The following MBOAT2 variants were observed in gnomAD, a reference collection of about 807,000 sequenced individuals.
MBOAT2 encodes the protein membrane bound glycerophospholipid O-acyltransferase 2.
Under a neutral mutation model 63.4 loss-of-function variants are expected in MBOAT2, and 28 were observed. The observed-to-expected ratio is 0.44, with a 90% CI of 0.33 to 0.61. The LOEUF (loss-of-function observed/expected upper bound fraction) is 0.61, where lower values mean the gene tolerates loss of function less well. Ranked by LOEUF, MBOAT2 falls within the 20% of genes least tolerant of loss-of-function variation. The probability of loss-of-function intolerance (pLI) is 0.03; values close to 1 mark genes in which losing one functional copy is unlikely to be tolerated. For missense variants in MBOAT2, 470 were observed against 605.8 expected (o/e 0.78, Z 2.35); for synonymous variants, 211 against 215.6 (o/e 0.98, Z 0.19).
chr2:8,889,838 C>T (rs564050517), intron 4 of MBOAT2, among the ~76,000 whole-genome samples: 72 of 152,316 alleles, frequency 4.7e-4, no homozygotes, highest in Non-Finnish European at 9.1e-4. Flanking sequence ...CAAATAAGTG[C>T]TCTGAGTGTC....
chr2:8,986,088 T>C (rs1454272942), intron 1 of MBOAT2, among the ~76,000 whole-genome samples: 1 of 152,044 alleles, frequency 6.6e-6, no homozygotes, highest in African/African-American at 2.4e-5. Context: ...CACTTCATCT[T>C]TGTGGTCTTC....
intron 7 of MBOAT2, 91 bp from the exon 8 acceptor site, chr2:8,873,391 G>T: frequency 7.8e-7 from 1 of 1,287,840 alleles, no homozygotes. Flanking sequence ...TTCCTGAATG[G>T]ATCATCAGTC....
intron 7 of MBOAT2, among the ~76,000 whole-genome samples, chr2:8,874,454 T>C (rs1359533015): frequency 6.6e-6 from 1 of 152,192 alleles, no homozygotes; most frequent in Admixed American, 6.5e-5. Context: ...GTGAAATAAA[T>C]GGCCCCATAC....
intron 6 of MBOAT2, among the ~76,000 whole-genome samples, chr2:8,879,492 T>C (rs553695751): frequency 6.6e-6 from 1 of 152,330 alleles, no homozygotes; most frequent in East Asian, 1.9e-4. Context: ...TAATGTATAA[T>C]ATCAAACAAA....
chr2:8,888,643 TAACTTAG>T, intron 4 of MBOAT2, among the ~76,000 whole-genome samples: 1 of 152,266 alleles, frequency 6.6e-6, no homozygotes. Flanking sequence ...ATTGAATGAA[TAACTTAG>T]AAAGGAAAAA....
At position 8,943,971 on chromosome 2, in the gene MBOAT2, C is replaced by T. The variant is rs140777931; in HGVS notation, c.222-707G>A. 5.0e-3 allele frequency among the ~76,000 whole-genome samples: 754 copies of T among 152,228 alleles called. 9 individuals are homozygous for T. The highest frequency in any genetic ancestry group is 0.02 in the South Asian group (97 of 4,828). On this transcript the variant is annotated intron_variant, in intron 2 of 12. Transcript: ENST00000305997. Reference sequence around the variant, plus strand: ...CTCTGCCTCCCAGGTTCAAGTGATTCTCCTGCCTCAGCCTCCCGAGTAGCT... The same window carrying T: ...CTCTGCCTCCCAGGTTCAAGTGATTTTCCTGCCTCAGCCTCCCGAGTAGCT...
At chr2:8,876,870 C>A in intron 7 of MBOAT2, 160 bp downstream of exon 7, 1 of 615,148 alleles carries the variant, frequency 1.6e-6, no homozygotes, top group Non-Finnish European at 2.7e-6. Context: ...TGTTCTTAAT[C>A]ATGACTGTAC....
At chr2:8,938,114 T>C (rs1194052593) in intron 3 of MBOAT2, among the ~76,000 whole-genome samples, 11 of 152,184 alleles carry the variant, frequency 7.2e-5, no homozygotes, top group Admixed American at 6.5e-4. Flanking sequence ...CATTTTTTTA[T>C]AGGCAAGGCA....
At chr2:8,943,151 A>AAT in intron 3 of MBOAT2, 36 bp downstream of exon 3, 1 of 1,246,104 alleles carries the variant, frequency 8.0e-7, no homozygotes, top group Non-Finnish European at 1.1e-6. Flanking sequence ...ATTCAAGTGA[A>AAT]ATATATATTT....
chr2:8,884,819 C>T (rs1663429330), intron 5 of MBOAT2, among the ~76,000 whole-genome samples: 2 of 152,222 alleles, frequency 1.3e-5, no homozygotes, highest in Admixed American at 6.5e-5. Context: ...AGTCTACACG[C>T]ACAACAAACC....
intron 1 of MBOAT2, among the ~76,000 whole-genome samples, chr2:8,993,876 T>G (rs2103369057): frequency 6.6e-6 from 1 of 152,318 alleles, no homozygotes; most frequent in Non-Finnish European, 1.5e-5. Flanking sequence ...TTAAACAGCA[T>G]GGTGCCCTCT....
At chr2:8,871,967 C>T (rs1238109880) in intron 8 of MBOAT2, among the ~76,000 whole-genome samples, 2 of 152,180 alleles carry the variant, frequency 1.3e-5, no homozygotes, top group Non-Finnish European at 2.9e-5. Context: ...AAAGAGGTTT[C>T]AATTTATCCA....
At chr2:8,986,742 G>A (rs549421429) in intron 1 of MBOAT2, among the ~76,000 whole-genome samples, 2 of 152,256 alleles carry the variant, frequency 1.3e-5, no homozygotes, top group South Asian at 2.1e-4. Flanking sequence ...TGTGAAGGTA[G>A]GTAGGGCCCT....
At chr2:8,968,450 A>G (rs1226441123) in intron 1 of MBOAT2, among the ~76,000 whole-genome samples, 1 of 152,252 alleles carries the variant, frequency 6.6e-6, no homozygotes, top group Non-Finnish European at 1.5e-5. Flanking sequence ...AGAAAAGCTG[A>G]AAATTCTAAA....
chr2:8,963,840 T>C (rs1254335039), intron 1 of MBOAT2, among the ~76,000 whole-genome samples: 1 of 152,206 alleles, frequency 6.6e-6, no homozygotes, highest in South Asian at 2.1e-4. Context: ...ATATAGTCCA[T>C]TTATATATAC....
intron 2 of MBOAT2, among the ~76,000 whole-genome samples, chr2:8,943,766 A>C (rs747926168): frequency 6.6e-5 from 10 of 152,236 alleles, no homozygotes; most frequent in Non-Finnish European, 1.2e-4. Flanking sequence ...TACTCTTCTC[A>C]ATACATGATG....
intron 2 of MBOAT2, among the ~76,000 whole-genome samples, chr2:8,953,280 A>G (rs1160754157): frequency 6.6e-6 from 1 of 152,210 alleles, no homozygotes; most frequent in African/African-American, 2.4e-5. Flanking sequence ...TGCTGAAAAT[A>G]GCTCTCCAAT....
chr2:8,864,751 ATCCCACCT>A (rs1661741281), intron 9 of MBOAT2, among the ~76,000 whole-genome samples: 1 of 152,072 alleles, frequency 6.6e-6, no homozygotes, highest in Non-Finnish European at 1.5e-5. Context: ...CTCACAGGGC[ATCCCACCT>A]TCCCAGCTTC....
chr2:8,985,335 TCAAA>T (rs1395682590), intron 1 of MBOAT2, among the ~76,000 whole-genome samples: 6 of 152,220 alleles, frequency 3.9e-5, no homozygotes, highest in African/African-American at 1.4e-4. Flanking sequence ...CTTTATTCTA[TCAAA>T]CTAACTTCTT....
Sources: allele counts gnomAD v4.1 joint callset (sites outside exome capture counted in the v4.1 genomes callset), GRCh38; gene constraint gnomAD v4.1.1; transcripts MANE v1.5; gene names NCBI Gene and HGNC (gene_info 2026-07-23, HGNC 2026-07-21).